CNBD1: variants seen among roughly 807,000 people sequenced by gnomAD.
CNBD1 encodes cyclic nucleotide-binding domain-containing protein 1.
Under a neutral mutation model 54.4 loss-of-function variants are expected in CNBD1, and 71 were observed. That is an observed-to-expected ratio of 1.30 (90% CI 1.08 to 1.59). The LOEUF (loss-of-function observed/expected upper bound fraction) is 1.59. Among genes scored for constraint, CNBD1 ranks in the 40% most tolerant of loss-of-function variants. The pLI is 0.00. For missense variants in CNBD1, 659 were observed against 518.0 expected (o/e 1.27, Z -2.64); for synonymous variants, 182 against 170.7 (o/e 1.07, Z -0.51).
intron 4 of CNBD1, among the ~76,000 whole-genome samples, chr8:86,956,401 A>G (rs1807770428): frequency 6.6e-6 from 1 of 152,146 alleles, no homozygotes; most frequent in Admixed American, 6.5e-5. Flanking sequence ...GATGGCATTG[A>G]ATCTATAAAT....
At chr8:87,335,396 G>C (rs989984168) in intron 8 of CNBD1, among the ~76,000 whole-genome samples, 1 of 152,016 alleles carries the variant, frequency 6.6e-6, no homozygotes, top group African/African-American at 2.4e-5. Context: ...TCCTGTATTG[G>C]GTGTATATAT....
chr8:87,271,897 T>C (rs1022460613), intron 6 of CNBD1, among the ~76,000 whole-genome samples: 3 of 151,976 alleles, frequency 2.0e-5, no homozygotes, highest in Non-Finnish European at 2.9e-5. Context: ...AAATGTGGTA[T>C]ATATACACAA....
Position 87,352,478 on chromosome 8 carries a change from C to CAAAAAAAAAAAAAAAAA in CNBD1, c.1152+686_1152+702dup, listed in dbSNP as rs386413278. Among the ~76,000 whole-genome samples the CAAAAAAAAAAAAAAAAA allele has an allele frequency of 5.4e-4, 58 of 107,480 alleles. 2 individuals carry two copies. The highest frequency in any genetic ancestry group is 2.2e-3 in the African/African-American group (56 of 26,002). 70.5% of individuals were successfully genotyped at this position (107,480 alleles called of 152,430 possible). A position where few individuals can be genotyped will look rare whatever the true frequency, so the allele number is the denominator to read the frequency against. ...CTGGCTACAGAGCAAGACTCTGTCT[C>CAAAAAAAAAAAAAAAAA]AAAAAAAAAAAAAAAAAACTTATAT... On this transcript the variant is annotated intron_variant, in intron 9 of 10. Coordinates refer to ENST00000518476, the MANE Select transcript of CNBD1 (RefSeq NM_173538.3).
At chr8:87,419,560 A>C (rs143407142) in intron 2 of CNBD1, among the ~76,000 whole-genome samples, 1 of 151,952 alleles carries the variant, frequency 6.6e-6, no homozygotes, top group Non-Finnish European at 1.5e-5. Flanking sequence ...TTCAAAAGAT[A>C]TAGTCATTCA....
intron 4 of CNBD1, among the ~76,000 whole-genome samples, chr8:87,175,113 G>A (rs1172370357): frequency 9.9e-5 from 15 of 152,136 alleles, no homozygotes; most frequent in Non-Finnish European, 1.9e-4. Flanking sequence ...TGTCTCTACA[G>A]TCTCAGGTGG....
At chr8:87,173,414 CTTTCTTTTCT>C (rs1813133092) in intron 4 of CNBD1, among the ~76,000 whole-genome samples, 3 of 152,134 alleles carry the variant, frequency 2.0e-5, no homozygotes, top group African/African-American at 7.2e-5. Context: ...TGCTCATTAA[CTTTCTTTTCT>C]TTCTGATTGA....
chr8:87,103,349 C>G (rs565218329), intron 4 of CNBD1, among the ~76,000 whole-genome samples: 2 of 152,274 alleles, frequency 1.3e-5, no homozygotes, highest in African/African-American at 2.4e-5. Context: ...ATATTTCATC[C>G]TCACAAAAAT....
rs564065916 is a variant in CNBD1 at position 87,331,913 on chromosome 8, T to C, written c.1043-19772T>C. Among the ~76,000 whole-genome samples the C allele has an allele frequency of 5.3e-5, 8 of 152,316 alleles. No individual in the cohort carries two copies. The East Asian group carries it at 1.2e-3, about 22-fold the overall frequency. On this transcript the variant is annotated intron_variant, in intron 8 of 10. Coordinates refer to ENST00000518476, the MANE Select transcript of CNBD1 (RefSeq NM_173538.3). ...TTACCCACTTTTTGATGGGGTTTTG[T>C]TTTTTTCTTGTAAATTTGTTTAAAT...
chr8:87,304,466 T>C (rs953143334), intron 8 of CNBD1, among the ~76,000 whole-genome samples: 2 of 151,028 alleles, frequency 1.3e-5, no homozygotes, highest in Non-Finnish European at 2.9e-5. Flanking sequence ...AAGGGGAACA[T>C]CACACACCAG....
chr8:87,355,676 C>G (rs1216836297), intron 10 of CNBD1, among the ~76,000 whole-genome samples: 1 of 152,050 alleles, frequency 6.6e-6, no homozygotes, highest in Non-Finnish European at 1.5e-5. Flanking sequence ...GTAGACATTA[C>G]CATGGGTGAG....
intron 4 of CNBD1, among the ~76,000 whole-genome samples, chr8:87,037,761 T>C (rs979970510): frequency 6.6e-6 from 1 of 152,242 alleles, no homozygotes; most frequent in African/African-American, 2.4e-5. Context: ...TTCTGATTCT[T>C]CAAAAACTTT....
chr8:87,231,808 A>G lies in CNBD1; in HGVS notation c.578-5111A>G, dbSNP rs560694212. On this transcript the variant is annotated intron_variant, in intron 5 of 10. Transcript: ENST00000518476. ...TATATACAGTGATGTGCATATGTAT[A>G]CCTTAAATGTATCACTTGATGAGTT... 3.0e-3 allele frequency among the ~76,000 whole-genome samples: 457 copies of G among 152,252 alleles called. 1 individual carries two copies. Among genetic ancestry groups the G allele is most frequent in the Non-Finnish European group, 5.3e-3 (361 of 67,996 alleles).
At chr8:86,990,406 A>G (rs1277993318) in intron 4 of CNBD1, among the ~76,000 whole-genome samples, 1 of 152,180 alleles carries the variant, frequency 6.6e-6, no homozygotes, top group African/African-American at 2.4e-5. Flanking sequence ...ATTTTTCTGC[A>G]TATGGACATA....
chr8:87,346,619 A>G (rs1216577797), intron 8 of CNBD1, among the ~76,000 whole-genome samples: 1 of 152,006 alleles, frequency 6.6e-6, no homozygotes, highest in East Asian at 1.9e-4. Flanking sequence ...GTCTGCATAT[A>G]TATATATGTA....
At chr8:87,121,385 T>A (rs904165987) in intron 4 of CNBD1, among the ~76,000 whole-genome samples, 3 of 151,862 alleles carry the variant, frequency 2.0e-5, no homozygotes, top group African/African-American at 7.2e-5. Flanking sequence ...TTATTAAAAT[T>A]ATTTTTATTG....
chr8:87,034,193 TG>T (rs1809856801), intron 4 of CNBD1, among the ~76,000 whole-genome samples: 1 of 152,256 alleles, frequency 6.6e-6, no homozygotes, highest in East Asian at 1.9e-4. Context: ...GATTACATAT[TG>T]AGCAACTCAA....
intron 6 of CNBD1, among the ~76,000 whole-genome samples, chr8:87,239,876 G>A (rs1807658605): frequency 6.6e-6 from 1 of 151,746 alleles, no homozygotes; most frequent in East Asian, 1.9e-4. Flanking sequence ...CATTAGAGTT[G>A]ATTATATAAG....
intron 4 of CNBD1, among the ~76,000 whole-genome samples, chr8:87,193,426 A>T (rs748794349): frequency 6.6e-6 from 1 of 152,192 alleles, no homozygotes; most frequent in Non-Finnish European, 1.5e-5. Flanking sequence ...AGACAGAATA[A>T]TCTTAGTCCG....
chr8:87,027,908 C>T (rs968271808), intron 4 of CNBD1, among the ~76,000 whole-genome samples: 4 of 152,296 alleles, frequency 2.6e-5, no homozygotes, highest in Non-Finnish European at 2.9e-5. Flanking sequence ...CGGAAACAGT[C>T]GGTATGCTTC....
Sources: gnomAD v4.1 joint callset for allele counts (sites outside exome capture counted in the v4.1 genomes callset) on GRCh38, gnomAD v4.1.1 for gene constraint, MANE v1.5 for transcripts, NCBI Gene and HGNC (gene_info 2026-07-23, HGNC 2026-07-21) for gene names.